Variants in MACROD2 observed in about 807,000 individuals in gnomAD.
MACROD2 encodes the protein mono-ADP ribosylhydrolase 2, also known as ADP-ribose glycohydrolase MACROD2.
A neutral mutation model predicts 70.4 loss-of-function variants in MACROD2; 36 were observed. That is an observed-to-expected ratio of 0.51 (90% confidence interval 0.39 to 0.68). The LOEUF (loss-of-function observed/expected upper bound fraction) is 0.68. Among genes scored for constraint, MACROD2 ranks in the 30% least tolerant of loss-of-function variants. The probability of loss-of-function intolerance (pLI) is 0.00; values close to 1 mark genes in which losing one functional copy is unlikely to be tolerated. For missense variants in MACROD2, 496 were observed against 538.4 expected (o/e 0.92, Z 0.78); for synonymous variants, 172 against 178.8 (o/e 0.96, Z 0.30).
At chr20:14,154,054 C>G (rs1281834178) in intron 3 of MACROD2, among the ~76,000 whole-genome samples, 1 of 152,132 alleles carries the variant, frequency 6.6e-6, no homozygotes, top group Non-Finnish European at 1.5e-5. Flanking sequence ...CAGGCGTTTC[C>G]CAAGACTTTG....
At chr20:14,417,134 T>C (rs988917293) in intron 3 of MACROD2, among the ~76,000 whole-genome samples, 2 of 152,182 alleles carry the variant, frequency 1.3e-5, no homozygotes, top group Admixed American at 6.5e-5. Flanking sequence ...TGGCTTATTT[T>C]TCTTCCTAAG....
At chr20:15,409,199 A>G (rs536935146) in intron 6 of MACROD2, among the ~76,000 whole-genome samples, 3 of 152,316 alleles carry the variant, frequency 2.0e-5, no homozygotes, top group East Asian at 3.9e-4. Context: ...TGGGTGATAC[A>G]TATCCTAAAC....
At chr20:14,160,697 A>G (rs1226266483) in intron 3 of MACROD2, among the ~76,000 whole-genome samples, 3 of 151,840 alleles carry the variant, frequency 2.0e-5, no homozygotes, top group Non-Finnish European at 4.4e-5. Flanking sequence ...GATCTTTTAT[A>G]TGTTTTTTAG....
intron 3 of MACROD2, among the ~76,000 whole-genome samples, chr20:14,186,916 A>G (rs1194363524): frequency 6.6e-6 from 1 of 152,140 alleles, no homozygotes; most frequent in Non-Finnish European, 1.5e-5. Flanking sequence ...GGACATAAAG[A>G]TAGGAGCAGT....
intron 8 of MACROD2, among the ~76,000 whole-genome samples, chr20:15,675,435 A>G (rs533978172): frequency 2.0e-5 from 3 of 152,354 alleles, no homozygotes; most frequent in South Asian, 4.1e-4. Context: ...TAATTAAACT[A>G]TTAATCTACT....
At chr20:14,080,687 T>G (rs1036232626) in intron 2 of MACROD2, among the ~76,000 whole-genome samples, 70 of 147,706 alleles carry the variant, frequency 4.7e-4, no homozygotes, top group African/African-American at 1.7e-3. Flanking sequence ...GTCCTGTTCA[T>G]TTTTTTTTTA....
At chr20:15,501,124 G>A (rs954285617) in intron 8 of MACROD2, among the ~76,000 whole-genome samples, 5 of 152,162 alleles carry the variant, frequency 3.3e-5, no homozygotes, top group Admixed American at 6.5e-5. Flanking sequence ...CTCACTGGAC[G>A]TTCCTCATTG....
In MACROD2 at chr20:15,453,791, C is replaced by T. The variant is rs148311023; in HGVS notation, c.571+22356C>T. On this transcript the variant is annotated intron_variant, in intron 7 of 17. Transcript: ENST00000684519. ...CCTAAAAAGCACCATGCATGTTCACCAAAGCCTACCCAGCAAGTGTCTGGT... is the reference window on the plus strand; with the variant it reads ...CCTAAAAAGCACCATGCATGTTCACTAAAGCCTACCCAGCAAGTGTCTGGT... 2.6e-3 allele frequency among the ~76,000 whole-genome samples: 403 copies of T among 152,252 alleles called. 1 individual carries two copies. Among genetic ancestry groups the T allele is most frequent in the African/African-American group, 9.3e-3 (385 of 41,576 alleles).
intron 5 of MACROD2, among the ~76,000 whole-genome samples, chr20:14,989,432 C>T (rs1018573654): frequency 6.6e-6 from 1 of 152,112 alleles, no homozygotes; most frequent in Non-Finnish European, 1.5e-5. Context: ...TGGAAGTACA[C>T]AGATTTATTA....
chr20:14,024,870 A>T (rs2053138938), intron 2 of MACROD2, among the ~76,000 whole-genome samples: 2 of 152,182 alleles, frequency 1.3e-5, no homozygotes, highest in Admixed American at 6.5e-5. Context: ...TGGTATCAGG[A>T]TGATGACTGT....
At chr20:14,676,384 A>G (rs1228877404) in intron 4 of MACROD2, among the ~76,000 whole-genome samples, 1 of 152,232 alleles carries the variant, frequency 6.6e-6, no homozygotes, top group East Asian at 1.9e-4. Context: ...CCACAGTGCA[A>G]TCAAATTAGA....
chr20:15,791,795 A>T (rs1210514419), intron 8 of MACROD2, among the ~76,000 whole-genome samples: 1 of 152,056 alleles, frequency 6.6e-6, no homozygotes, highest in African/African-American at 2.4e-5. Flanking sequence ...GTAAAATTAG[A>T]GATACAGGTA....
In MACROD2 at chr20:14,136,249, C is replaced by T. The variant is rs145050143; in HGVS notation, c.271+50521C>T. On this transcript the variant is annotated intron_variant, in intron 3 of 17. Transcript: ENST00000684519. Reference sequence around the variant, plus strand: ...TTAAAAAAAACAACTCAAAATGGATCGTAGACTTAAATATAAGCACAAAAA... The same window carrying T: ...TTAAAAAAAACAACTCAAAATGGATTGTAGACTTAAATATAAGCACAAAAA... Among the ~76,000 whole-genome samples the T allele has an allele frequency of 4.8e-3, 731 of 151,992 alleles. 6 individuals carry two copies. Among genetic ancestry groups the T allele is most frequent in the African/African-American group, 0.017 (702 of 41,448 alleles).
rs976386151 is a variant in MACROD2 at position 15,938,954 on chromosome 20, C to T, written c.907+1410C>T. 2.6e-5 allele frequency among the ~76,000 whole-genome samples: 4 copies of T among 152,186 alleles called. No homozygotes were observed. In the East Asian group the frequency reaches 7.7e-4, roughly 29 times the overall value. ...AGAAGATCAAACCAGCCATAACATTCCCTTAAGCCAGAGCCTAGTCCAGAG... is the reference window on the plus strand; with the variant it reads ...AGAAGATCAAACCAGCCATAACATTTCCTTAAGCCAGAGCCTAGTCCAGAG... On this transcript the variant is annotated intron_variant, in intron 12 of 17. Coordinates refer to ENST00000684519, the MANE Select transcript of MACROD2 (RefSeq NM_001351661.2).
intron 5 of MACROD2, among the ~76,000 whole-genome samples, chr20:14,963,532 A>T (rs2074603238): frequency 6.6e-6 from 1 of 152,142 alleles, no homozygotes; most frequent in Non-Finnish European, 1.5e-5. Context: ...GAAAAATGCC[A>T]CTTGTGTTGT....
At chr20:15,632,752 A>G (rs1329900268) in intron 8 of MACROD2, among the ~76,000 whole-genome samples, 2 of 152,058 alleles carry the variant, frequency 1.3e-5, no homozygotes, top group Non-Finnish European at 2.9e-5. Context: ...CAACACGATT[A>G]TTTATTTATC....
At chr20:14,834,213 A>G (rs1012525897) in intron 5 of MACROD2, among the ~76,000 whole-genome samples, 1 of 151,710 alleles carries the variant, frequency 6.6e-6, no homozygotes, top group African/African-American at 2.4e-5. Flanking sequence ...TATTTTAAGA[A>G]GAAATGCCAA....
intron 2 of MACROD2, among the ~76,000 whole-genome samples, chr20:14,014,967 A>ATTTTTT (rs61499812): frequency 8.8e-6 from 1 of 113,216 alleles, no homozygotes. Context: ...TGCCCAGCAA[A>ATTTTTT]TTTTTTTTTT....
chr20:15,813,783 AAAC>A (rs1190113268), intron 8 of MACROD2, among the ~76,000 whole-genome samples: 6 of 152,266 alleles, frequency 3.9e-5, no homozygotes, highest in Admixed American at 2.0e-4. Context: ...CCCCGTCTCA[AAAC>A]AACAACAACA....
Sources: gnomAD v4.1 joint callset for allele counts (sites outside exome capture counted in the v4.1 genomes callset) on GRCh38, gnomAD v4.1.1 for gene constraint, MANE v1.5 for transcripts, NCBI Gene and HGNC (gene_info 2026-07-23, HGNC 2026-07-21) for gene names.